The following RRAGD variants were observed in gnomAD, a reference collection of about 807,000 sequenced individuals.
RRAGD encodes Ras related GTP binding D.
A neutral mutation model predicts 35.5 loss-of-function variants in RRAGD; 12 were observed. That is an observed-to-expected ratio of 0.34 (90% confidence interval 0.22 to 0.55). The LOEUF (loss-of-function observed/expected upper bound fraction) is 0.55, where lower values mean the gene tolerates loss of function less well. Ranked by LOEUF, RRAGD falls within the 20% of genes least tolerant of loss-of-function variation. The pLI is 0.91. For missense variants in RRAGD, 324 were observed against 490.1 expected, an observed-to-expected ratio of 0.66 and a Z score of 3.20; for synonymous variants, 155 against 178.9, an observed-to-expected ratio of 0.87 and a Z score of 1.07.
In RRAGD at chr6:89,391,074, A is replaced by G. The variant is rs889342663; in HGVS notation, c.149-3484T>C. On this transcript the variant is annotated intron_variant, in intron 1 of 6. Coordinates refer to ENST00000369415, the MANE Select transcript of RRAGD (RefSeq NM_021244.5). ...CCAACACCCATCAACTCATGAATGGATGAAAAGAATGCGGTACAATGGAAT... is the reference window on the plus strand; with the variant it reads ...CCAACACCCATCAACTCATGAATGGGTGAAAAGAATGCGGTACAATGGAAT... Among the ~76,000 whole-genome samples the G allele has an allele frequency of 2.6e-5, 4 of 152,110 alleles. No individual in the cohort carries two copies. In the East Asian group the frequency reaches 7.7e-4, roughly 29 times the overall value.
chr6:89,406,804 C>T (rs932154075), intron 1 of RRAGD, among the ~76,000 whole-genome samples: 1 of 152,142 alleles, frequency 6.6e-6, no homozygotes, highest in Non-Finnish European at 1.5e-5. Flanking sequence ...CACCCTGTAA[C>T]ACATGCCCAC....
Position 89,367,953 on chromosome 6 carries a change from A to G in RRAGD, c.*103T>C, listed in dbSNP as rs1768783131. 1.1e-5 allele frequency: 11 copies of G among 1,016,538 alleles called. No homozygotes were observed. Among genetic ancestry groups the G allele is most frequent in the Admixed American group, 2.8e-5 (1 of 36,264 alleles). The allele number at this position is 1,016,538 out of a possible 1,614,324, so 63.0% of individuals were successfully genotyped here. A position where few individuals can be genotyped will look rare whatever the true frequency, so the allele number is the denominator to read the frequency against. On this transcript the variant is annotated 3_prime_UTR_variant, in exon 7 of 7. Coordinates refer to ENST00000369415, the MANE Select transcript of RRAGD (RefSeq NM_021244.5). ...ATTTTTTTTTTTTAACAACAAATCA[A>G]TGGTATGTGTCCCAATCTCCTTCTT...
intron 1 of RRAGD, among the ~76,000 whole-genome samples, chr6:89,397,118 G>A (rs1769352746): frequency 6.6e-6 from 1 of 152,056 alleles, no homozygotes; most frequent in Admixed American, 6.5e-5. Flanking sequence ...AGGTAAAAAA[G>A]CACAGGAAAA....
intron 1 of RRAGD, among the ~76,000 whole-genome samples, chr6:89,396,810 T>C (rs1270468645): frequency 6.9e-6 from 1 of 145,452 alleles, no homozygotes; most frequent in Non-Finnish European, 1.5e-5. Flanking sequence ...GGCATGATCT[T>C]GGCTCACTGC....
At chr6:89,379,437 T>C (rs1267464485) in intron 3 of RRAGD, 99 bp from the exon 4 acceptor site, 2 of 614,054 alleles carry the variant, frequency 3.3e-6, no homozygotes, top group Middle Eastern at 2.6e-4. Flanking sequence ...TCTGTATGTA[T>C]AGTCCTAACA....
intron 1 of RRAGD, among the ~76,000 whole-genome samples, chr6:89,403,733 C>T (rs1769524849): frequency 6.6e-6 from 1 of 150,642 alleles, no homozygotes; most frequent in African/African-American, 2.4e-5. Context: ...CTCCTGGGCT[C>T]AAGTGATCCT....
intron 5 of RRAGD, among the ~76,000 whole-genome samples, chr6:89,373,884 C>T (rs1379059811): frequency 2.0e-5 from 3 of 152,158 alleles, no homozygotes; most frequent in African/African-American, 7.2e-5. Flanking sequence ...ATTATCATGG[C>T]TTTAATGACT....
intron 3 of RRAGD, among the ~76,000 whole-genome samples, chr6:89,379,785 C>T (rs374978615): frequency 2.6e-5 from 4 of 152,164 alleles, no homozygotes. Context: ...CATTGTTTTC[C>T]TTTGTGAGGA....
In RRAGD at chr6:89,380,181, T is replaced by C; in HGVS notation, c.631A>G (p.Lys211Glu). 1 of 1,614,254 alleles carries C rather than the reference T, an allele frequency of 6.2e-7. No homozygotes were observed. The highest frequency in any genetic ancestry group is 8.5e-7 in the Non-Finnish European group (1 of 1,180,038). ...TTCTGTTCTCACCTGAGGTGAATTT[T>C]TTCTAATCCAGCATCTGCAAGGTCA... ...NDDLADAGLEKIHLSFYLTSI... is the reference protein window; with the variant it reads ...NDDLADAGLEEIHLSFYLTSI... Residue 211 changes from lysine (K) to glutamate (E), a missense_variant, in exon 3 of 7, where the codon AAA becomes GAA. This residue lies in a region of RRAGD where 152 missense variants were observed against 296.9 expected (regional missense o/e 0.51). Transcript: ENST00000369415.
chr6:89,383,461 T>C (rs1448376602), intron 2 of RRAGD, among the ~76,000 whole-genome samples: 1 of 152,240 alleles, frequency 6.6e-6, no homozygotes, highest in Non-Finnish European at 1.5e-5. Flanking sequence ...CATCGTTTAT[T>C]ACTTTCTTTG....
At chr6:89,405,353 CAAAAAAA>C (rs56252416) in intron 1 of RRAGD, among the ~76,000 whole-genome samples, 99 of 52,210 alleles carry the variant, frequency 1.9e-3, no homozygotes, top group Non-Finnish European at 2.4e-3. Context: ...GACTCCGTCT[CAAAAAAA>C]AAAAAAAAAA....
intron 2 of RRAGD, 28 bp from the exon 3 acceptor site, chr6:89,380,395 G>A (rs764575372): frequency 6.2e-7 from 1 of 1,604,328 alleles, no homozygotes; most frequent in East Asian, 2.2e-5. Flanking sequence ...GCCTGTGAGA[G>A]AAGGCCGCTT....
chr6:89,390,946 C>T (rs563986993), intron 1 of RRAGD, among the ~76,000 whole-genome samples: 5 of 152,082 alleles, frequency 3.3e-5, no homozygotes, highest in Admixed American at 1.3e-4. Flanking sequence ...AATTCCACTC[C>T]TCCAAATATA....
intron 1 of RRAGD, among the ~76,000 whole-genome samples, chr6:89,402,425 C>A (rs1032784758): frequency 6.6e-6 from 1 of 152,070 alleles, no homozygotes; most frequent in Non-Finnish European, 1.5e-5. Context: ...GACTCCCTTG[C>A]GGGTCCCAGT....
chr6:89,383,652 G>T (rs2127889231), intron 2 of RRAGD, among the ~76,000 whole-genome samples: 1 of 152,048 alleles, frequency 6.6e-6, no homozygotes, highest in African/African-American at 2.4e-5. Context: ...GCGGGGCTGG[G>T]GTGTCACCAC....
chr6:89,384,708 G>A (rs946533834), intron 2 of RRAGD, among the ~76,000 whole-genome samples: 5 of 151,684 alleles, frequency 3.3e-5, no homozygotes, highest in African/African-American at 1.2e-4. Flanking sequence ...CCAGCTACTC[G>A]GGAGGCTGAG....
rs1456815711 is a variant in RRAGD, at chr6:89,402,046, T to TTTTTCTTTTTTTTTTTC, written c.148+9799_148+9800insGAAAAAAAAAAAGAAAA. On this transcript the variant is annotated intron_variant, in intron 1 of 6. Coordinates refer to ENST00000369415, the MANE Select transcript of RRAGD (RefSeq NM_021244.5). ...CTGAGGAAATCCTAAGGATTTTTTTTTTTTTTTTTTTTTTGGTGGGGGATG... is the reference window on the plus strand; with the variant it reads ...CTGAGGAAATCCTAAGGATTTTTTTTTTTTCTTTTTTTTTTTCTTTTTTTTTTTTTTGGTGGGGGATG... Among the ~76,000 whole-genome samples the TTTTTCTTTTTTTTTTTC allele has an allele frequency of 5.2e-4, 70 of 134,808 alleles. 1 individual carries two copies. Among genetic ancestry groups the TTTTTCTTTTTTTTTTTC allele is most frequent in the African/African-American group, 1.9e-3 (63 of 33,098 alleles). The allele number at this position is 134,808 out of a possible 152,430, so 88.4% of individuals were successfully genotyped here. A position where few individuals can be genotyped will look rare whatever the true frequency, so the allele number is the denominator to read the frequency against.
At chr6:89,380,136 T>C (rs1474340127) in intron 3 of RRAGD, 32 bp downstream of exon 3, 2 of 1,606,090 alleles carry the variant, frequency 1.2e-6, no homozygotes, top group Non-Finnish European at 8.5e-7. Flanking sequence ...TTCCATCCTT[T>C]ATTGGGATCC....
intron 1 of RRAGD, among the ~76,000 whole-genome samples, chr6:89,398,847 C>A (rs1241013565): frequency 6.6e-6 from 1 of 152,176 alleles, no homozygotes; most frequent in Admixed American, 6.5e-5. Flanking sequence ...GCCTTTACCA[C>A]CAATCAGCTG....
Sources: gnomAD v4.1 joint callset for allele counts (sites outside exome capture counted in the v4.1 genomes callset) on GRCh38, gnomAD v4.1.1 for gene constraint, gnomAD v4.1.1 regional missense constraint, MANE v1.5 for transcripts, NCBI Gene and HGNC (gene_info 2026-07-23, HGNC 2026-07-21) for gene names.